The following PRKAR1B variants were observed in gnomAD, a reference collection of about 807,000 sequenced individuals.
PRKAR1B encodes the protein cAMP-dependent protein kinase type I-beta regulatory subunit.
PRKAR1B carries 22 observed loss-of-function variants against 46.5 expected under a neutral mutation model. The observed-to-expected ratio is 0.47, with a 90% CI of 0.34 to 0.68. The LOEUF (loss-of-function observed/expected upper bound fraction) is 0.68, where lower values mean the gene tolerates loss of function less well. Ranked by LOEUF, PRKAR1B falls within the 30% of genes least tolerant of loss-of-function variation. PRKAR1B has a pLI of 0.01. For missense variants in PRKAR1B, 445 were observed against 535.6 expected (o/e 0.83, Z 1.67); for synonymous variants, 259 against 217.7 (o/e 1.19, Z -1.67).
rs1723036092 is a variant in PRKAR1B at position 680,253 on chromosome 7, C to T, written c.348+303G>A. ...CAGAGCCTCTGCTCACTCCAAGGACCTGGATGCCAGCGAGTCCCTTCCCTT... is the reference window on the plus strand; with the variant it reads ...CAGAGCCTCTGCTCACTCCAAGGACTTGGATGCCAGCGAGTCCCTTCCCTT... On this transcript the variant is annotated intron_variant, in intron 3 of 10. Transcript: ENST00000537384. Among the ~76,000 whole-genome samples the T allele has an allele frequency of 2.0e-5, 3 of 152,102 alleles. No individual in the cohort carries two copies. In the South Asian group the frequency reaches 6.2e-4, roughly 32 times the overall value.
intron 2 of PRKAR1B, among the ~76,000 whole-genome samples, chr7:686,224 A>G (rs1010536146): frequency 2.6e-5 from 4 of 151,972 alleles, no homozygotes; most frequent in African/African-American, 4.8e-5. Context: ...TGGTGTGAAC[A>G]TGGGAGGTGG....
rs1178572625 is a variant in PRKAR1B, at chr7:666,190, C to T, written c.440+11039G>A. On this transcript the variant is annotated intron_variant, in intron 4 of 10. Transcript: ENST00000537384. The surrounding 1 kb of genome is among the most constrained non-coding windows in gnomAD (Gnocchi z 4.9). ...GCCGGGAAGGGACCGGGATAGAACC[C>T]AAGGGCCTCCACCTCACTCCCCAAG... Among the ~76,000 whole-genome samples, 1 of 152,148 alleles carries T rather than the reference C, an allele frequency of 6.6e-6. No individual in the cohort carries two copies. The highest frequency in any genetic ancestry group is 1.5e-5 in the Non-Finnish European group (1 of 68,024).
At chr7:637,422 A>G (rs1380674766) in intron 4 of PRKAR1B, among the ~76,000 whole-genome samples, 1 of 152,080 alleles carries the variant, frequency 6.6e-6, no homozygotes, top group Non-Finnish European at 1.5e-5. Context: ...GTCTCAAAAA[A>G]ACAAACAAAC....
Position 551,464 on chromosome 7 carries a change from C to G in PRKAR1B, c.898G>C (p.Ala300Pro), listed in dbSNP as rs376485407. The G allele has an allele frequency of 6.4e-7, 1 of 1,554,346 alleles. No individual in the cohort carries two copies. The highest frequency in any genetic ancestry group is 8.7e-7 in the Non-Finnish European group (1 of 1,148,656). The stretch of plus-strand genomic sequence containing the variant: ...GGGGACCGGCGCTGCAGCACGGACG[C>G]GGTGCCCTGTGGGTGGAGGTGGACA... ...DDFYIITEGT[A>P]SVLQRRSPNE... Residue 300 changes from alanine to proline, a missense_variant, in exon 10 of 11, where the codon GCG becomes CCG. Transcript: ENST00000537384.
intron 2 of PRKAR1B, among the ~76,000 whole-genome samples, chr7:710,983 G>T (rs899345875): frequency 6.6e-6 from 1 of 152,114 alleles, no homozygotes; most frequent in Non-Finnish European, 1.5e-5. Context: ...TAACTAGGCT[G>T]AAAACTGTCG....
intron 9 of PRKAR1B, among the ~76,000 whole-genome samples, chr7:562,469 G>A (rs979034321): frequency 4.7e-4 from 71 of 152,100 alleles, no homozygotes; most frequent in Non-Finnish European, 2.6e-4. Context: ...CACCTCCCTC[G>A]GCCTCACCTC....
At chr7:724,388 G>A (rs931165051) in intron 1 of PRKAR1B, among the ~76,000 whole-genome samples, 2 of 152,180 alleles carry the variant, frequency 1.3e-5, no homozygotes, top group East Asian at 1.9e-4. Flanking sequence ...TAAGTCTCAC[G>A]AGATCTGACG....
chr7:550,918 C>T (rs955663883), intron 10 of PRKAR1B, among the ~76,000 whole-genome samples: 3 of 151,446 alleles, frequency 2.0e-5, no homozygotes, highest in African/African-American at 7.3e-5. Flanking sequence ...CAGGAATGCC[C>T]AGGTGTGCCC....
chr7:693,027 C>T (rs1205196137), intron 2 of PRKAR1B, among the ~76,000 whole-genome samples: 6 of 151,918 alleles, frequency 3.9e-5, no homozygotes, highest in Non-Finnish European at 7.4e-5. Context: ...CTCCGCCTCC[C>T]GGTTTCACAC....
At chr7:690,998 G>A (rs1023671467) in intron 2 of PRKAR1B, among the ~76,000 whole-genome samples, 2 of 152,148 alleles carry the variant, frequency 1.3e-5, no homozygotes, top group African/African-American at 4.8e-5. Context: ...CCTACCCGAA[G>A]GGTCCCGCGC....
At chr7:678,050 C>T (rs748355373) in intron 3 of PRKAR1B, among the ~76,000 whole-genome samples, 7 of 152,152 alleles carry the variant, frequency 4.6e-5, no homozygotes, top group Admixed American at 2.0e-4. Context: ...GCAGGCGGAT[C>T]GCCTGAGGTC....
At chr7:697,496 C>T (rs918222915) in intron 2 of PRKAR1B, among the ~76,000 whole-genome samples, 7 of 152,150 alleles carry the variant, frequency 4.6e-5, no homozygotes, top group African/African-American at 1.2e-4. Context: ...TCATCCACTG[C>T]GTGCCGGGCA....
At chr7:639,762 G>C (rs1784291879) in intron 4 of PRKAR1B, among the ~76,000 whole-genome samples, 1 of 152,108 alleles carries the variant, frequency 6.6e-6, no homozygotes, top group African/African-American at 2.4e-5. Flanking sequence ...GGCTGAGGCA[G>C]AGAACTGCTC....
rs1781303010 is a variant in PRKAR1B at position 726,695 on chromosome 7, CCT to C, written c.-23+513_-23+514del. 3.2e-6 allele frequency: 4 copies of C among 1,233,134 alleles called. No homozygotes were observed. In the African/African-American group the frequency reaches 4.7e-5, roughly 14 times the overall value. 76.4% of individuals were successfully genotyped at this position (1,233,134 alleles called of 1,614,324 possible). On this transcript the variant is annotated intron_variant, in intron 1 of 10. Transcript: ENST00000537384. ...CTGAGAGTCGCGAAAGCGCTGTTCC[CCT>C]TAGTGACCGGCGACGCGGGCAAGAT... is the stretch of plus-strand genomic sequence containing the variant.
At chr7:554,997 C>G (rs1459000982) in intron 9 of PRKAR1B, among the ~76,000 whole-genome samples, 1 of 152,196 alleles carries the variant, frequency 6.6e-6, no homozygotes, top group African/African-American at 2.4e-5. Context: ...GGCACAGAGG[C>G]TGCCGTGGCT....
chr7:703,902 AT>A (rs1490977944), intron 2 of PRKAR1B, among the ~76,000 whole-genome samples: 5 of 152,220 alleles, frequency 3.3e-5, no homozygotes, highest in African/African-American at 1.2e-4. Context: ...CTAGAAATAA[AT>A]AACAGAGAGA....
intron 4 of PRKAR1B, among the ~76,000 whole-genome samples, chr7:622,833 T>C (rs941918215): frequency 6.6e-6 from 1 of 152,254 alleles, no homozygotes; most frequent in Non-Finnish European, 1.5e-5. Context: ...TGACTTCTTA[T>C]GTTTTTCAAC....
chr7:570,680 GCCC>G (rs1265500330), intron 9 of PRKAR1B, among the ~76,000 whole-genome samples: 1 of 152,142 alleles, frequency 6.6e-6, no homozygotes, highest in Non-Finnish European at 1.5e-5. Context: ...CTGCAAATCA[GCCC>G]CCAACTCCGG....
chr7:568,584 A>C (rs1346078656), intron 9 of PRKAR1B, among the ~76,000 whole-genome samples: 2 of 151,930 alleles, frequency 1.3e-5, no homozygotes, highest in East Asian at 3.9e-4. Flanking sequence ...GGAGCAGACC[A>C]CCCCCCACAA....
Sources: gnomAD v4.1 joint callset for allele counts (sites outside exome capture counted in the v4.1 genomes callset) on GRCh38, gnomAD v4.1.1 for gene constraint, Gnocchi (gnomAD v3.1) non-coding constraint, MANE v1.5 for transcripts, NCBI Gene and HGNC (gene_info 2026-07-23, HGNC 2026-07-21) for gene names.